Variants in AK5 observed in about 807,000 individuals in gnomAD.
AK5 encodes the protein adenylate kinase isoenzyme 5.
In AK5, 27 loss-of-function variants were observed where a neutral mutation model predicts 69.5. The observed-to-expected ratio is 0.39, with a 90% CI of 0.29 to 0.54. The LOEUF (loss-of-function observed/expected upper bound fraction) is 0.54. Among genes scored for constraint, AK5 ranks in the 20% least tolerant of loss-of-function variants. The pLI, the probability that AK5 is intolerant of heterozygous loss-of-function variation, is 0.71. For missense variants in AK5, 531 were observed against 700.4 expected, an observed-to-expected ratio of 0.76 and a Z score of 2.73; for synonymous variants, 260 against 244.4, an observed-to-expected ratio of 1.06 and a Z score of -0.60.
chr1:77,313,124 A>G (rs931232439), intron 5 of AK5, among the ~76,000 whole-genome samples: 1 of 152,260 alleles, frequency 6.6e-6, no homozygotes, highest in East Asian at 1.9e-4. Flanking sequence ...TGGTACAAGC[A>G]AAGTATATTG....
At chr1:77,293,323 C>T (rs762229954) in intron 2 of AK5, among the ~76,000 whole-genome samples, 1 of 152,116 alleles carries the variant, frequency 6.6e-6, no homozygotes, top group African/African-American at 2.4e-5. Context: ...GCTTTATGGA[C>T]AGGCTGCTGC....
intron 11 of AK5, among the ~76,000 whole-genome samples, chr1:77,519,114 A>G (rs952785335): frequency 1.3e-5 from 2 of 152,206 alleles, no homozygotes; most frequent in Non-Finnish European, 2.9e-5. Flanking sequence ...TCTGGGAGGT[A>G]TGATTATCTT....
intron 10 of AK5, among the ~76,000 whole-genome samples, chr1:77,504,333 A>G (rs1656905335): frequency 6.6e-6 from 1 of 152,204 alleles, no homozygotes; most frequent in African/African-American, 2.4e-5. Context: ...TTCATTCTAG[A>G]AAACGTGTAT....
intron 5 of AK5, chr1:77,314,867 T>C (rs1451626527): frequency 6.6e-6 from 1 of 152,082 alleles, no homozygotes; most frequent in Non-Finnish European, 1.5e-5. Context: ...CACAGATATC[T>C]CAGGAGAAGA....
At chr1:77,374,834 A>T (rs1647194859) in intron 6 of AK5, among the ~76,000 whole-genome samples, 1 of 151,022 alleles carries the variant, frequency 6.6e-6, no homozygotes, top group Non-Finnish European at 1.5e-5. Context: ...AAAAAAAAAA[A>T]GAAGAAGTTA....
chr1:77,387,182 C>T (rs1570482380), intron 6 of AK5, among the ~76,000 whole-genome samples: 1 of 152,180 alleles, frequency 6.6e-6, no homozygotes, highest in Admixed American at 6.5e-5. Flanking sequence ...GCAAGATCAG[C>T]CTGCTGGTAA....
Position 77,518,606 on chromosome 1 carries a change from T to C in AK5, c.1190T>C (p.Val397Ala). Residue 397 changes from valine (V) to alanine (A), a missense_variant, in exon 11 of 14, where the codon GTG becomes GCG. Coordinates refer to ENST00000354567, the MANE Select transcript of AK5 (RefSeq NM_174858.3). ...AAAGGCACACAGTGTGAAAAGCTGG[T>C]GGAAAAATATGGATTTACACATCTC... is the stretch of plus-strand genomic sequence containing the variant. Reference protein sequence around the residue: ...SGKGTQCEKLVEKYGFTHLST... With the variant: ...SGKGTQCEKLAEKYGFTHLST... 6.2e-7 allele frequency: 1 copy of C among 1,614,144 alleles called. No individual in the cohort carries two copies. The highest frequency in any genetic ancestry group is 1.1e-5 in the South Asian group (1 of 91,078).
Position 77,517,037 on chromosome 1 carries a change from C to T in AK5, c.1148-1527C>T, listed in dbSNP as rs564468989. 7.4e-5 allele frequency among the ~76,000 whole-genome samples: 11 copies of T among 148,140 alleles called. No homozygotes were observed. In the East Asian group the frequency reaches 2.0e-3, roughly 27 times the overall value. ...AGTGGGCTGAGATCACACCACTGCA[C>T]TCCAGCCTGGTCGATAAAGCAAGAC... On this transcript the variant is annotated intron_variant, in intron 10 of 13. Transcript: ENST00000354567.
chr1:77,394,838 T>C (rs1005384452), intron 6 of AK5, among the ~76,000 whole-genome samples: 6 of 152,110 alleles, frequency 3.9e-5, no homozygotes, highest in African/African-American at 9.7e-5. Flanking sequence ...ATTGGTTGAG[T>C]CATAATCAAC....
chr1:77,434,835 G>A (rs1166690662), intron 8 of AK5, among the ~76,000 whole-genome samples: 1 of 152,128 alleles, frequency 6.6e-6, no homozygotes, highest in East Asian at 1.9e-4. Context: ...CAAGAAGAGT[G>A]GGTCCAGTGG....
At chr1:77,350,161 A>G (rs1205565483) in intron 6 of AK5, among the ~76,000 whole-genome samples, 2 of 152,214 alleles carry the variant, frequency 1.3e-5, no homozygotes, top group East Asian at 3.9e-4. Context: ...AGAAAGATAA[A>G]TAACTTGAAC....
Position 77,486,300 on chromosome 1 carries a change from T to C in AK5, c.1103-8T>C. 2.6e-6 allele frequency: 4 copies of C among 1,554,812 alleles called. No individual in the cohort carries two copies. Among genetic ancestry groups the C allele is most frequent in the Non-Finnish European group, 3.5e-6 (4 of 1,129,424 alleles). On this transcript the variant is annotated splice_polypyrimidine_tract_variant and splice_region_variant and intron_variant, in intron 9 of 13. Transcript: ENST00000354567. ...TTGCCAATAACTTAAGTTATTCTTA[T>C]TTTAAAGGTTTCATGGAAGATTTGA...
intron 8 of AK5, among the ~76,000 whole-genome samples, chr1:77,443,920 C>A (rs555816061): frequency 5.3e-4 from 80 of 151,500 alleles, no homozygotes; most frequent in Admixed American, 1.2e-3. Context: ...CACATAGTTA[C>A]CTTTTGTCCT....
intron 2 of AK5, among the ~76,000 whole-genome samples, chr1:77,288,855 C>A (rs74885705): frequency 0.027 from 4,164 of 152,220 alleles, 190 homozygotes; most frequent in African/African-American, 0.096. Context: ...TTAACCTACA[C>A]GGTCTCTCAC....
rs111887591 is a variant in AK5, at chr1:77,414,581, A to T, written c.983-3058A>T. Among the ~76,000 whole-genome samples the T allele has an allele frequency of 4.1e-3, 627 of 152,286 alleles. 5 individuals are homozygous for T. The highest frequency in any genetic ancestry group is 0.014 in the African/African-American group (599 of 41,572). ...GCCAACCTGAAAATAATATTTCTGA[A>T]GGCCATTCTAAAACTAGCAGCACTG... On this transcript the variant is annotated intron_variant, in intron 7 of 13. Transcript: ENST00000354567.
At chr1:77,426,923 T>C (rs1374850287) in intron 8 of AK5, among the ~76,000 whole-genome samples, 1 of 152,134 alleles carries the variant, frequency 6.6e-6, no homozygotes, top group Non-Finnish European at 1.5e-5. Context: ...AATGTTAAAA[T>C]ATTTTGAACT....
chr1:77,394,983 A>G (rs921980643), intron 6 of AK5, among the ~76,000 whole-genome samples: 2 of 151,886 alleles, frequency 1.3e-5, no homozygotes, highest in African/African-American at 4.8e-5. Flanking sequence ...TTAAATCTGC[A>G]CTCCCCTCAG....
At chr1:77,350,008 T>C (rs542472287) in intron 6 of AK5, among the ~76,000 whole-genome samples, 3 of 152,332 alleles carry the variant, frequency 2.0e-5, no homozygotes, top group South Asian at 4.1e-4. Flanking sequence ...ATCCTCCTTT[T>C]ACTCAACAGC....
intron 13 of AK5, among the ~76,000 whole-genome samples, chr1:77,556,202 A>G (rs759977356): frequency 6.6e-6 from 1 of 152,238 alleles, no homozygotes; most frequent in Non-Finnish European, 1.5e-5. Flanking sequence ...AAAGAAATAG[A>G]AGAGAGTTGC....
Sources: allele counts gnomAD v4.1 joint callset (sites outside exome capture counted in the v4.1 genomes callset), GRCh38; gene constraint gnomAD v4.1.1; transcripts MANE v1.5; gene names NCBI Gene and HGNC (gene_info 2026-07-23, HGNC 2026-07-21).